MUC5B: variants seen among roughly 807,000 people sequenced by gnomAD.
The protein encoded by MUC5B is mucin 5B, oligomeric mucus/gel-forming.
A neutral mutation model predicts 376.9 loss-of-function variants in MUC5B; 116 were observed. The ratio of observed to expected loss-of-function variants is 0.31; its 90% confidence interval spans 0.26 to 0.36. The LOEUF (loss-of-function observed/expected upper bound fraction) is 0.36. Ranked by LOEUF, MUC5B falls within the 10% of genes least tolerant of loss-of-function variation. MUC5B has a pLI of 1.00. For missense variants in MUC5B, 7,165 were observed against 7,769.9 expected (o/e 0.92, Z 2.93); for synonymous variants, 3,517 against 3,390.9 (o/e 1.04, Z -1.29).
intron 46 of MUC5B, 53 bp from the exon 47 acceptor site, chr11:1,260,298 C>A: frequency 6.3e-7 from 1 of 1,581,430 alleles, no homozygotes; most frequent in East Asian, 2.2e-5. Flanking sequence ...GAGGCCGCAC[C>A]CACCAGGGAG....
rs1862831056 is a variant in MUC5B, at chr11:1,256,230, G to A, written c.16136+5G>A. On this transcript the variant is annotated splice_donor_5th_base_variant and intron_variant, in intron 38 of 48. Coordinates refer to ENST00000529681, the MANE Select transcript of MUC5B (RefSeq NM_002458.3). ...GCCTGCCACCTGCAACTCTAGGTAA[G>A]TACAGGGATGGCTGGTGCCTTCCCT... 5 of 724,092 alleles carry A rather than the reference G, an allele frequency of 6.9e-6. No homozygotes were observed. Among genetic ancestry groups the A allele is most frequent in the South Asian group, 1.5e-5 (1 of 67,954 alleles). The allele number at this position is 724,092 out of a possible 1,614,324, so 44.9% of individuals were successfully genotyped here.
chr11:1,252,074 G>A (rs2672791), intron 31 of MUC5B, among the ~76,000 whole-genome samples: 43 of 132,256 alleles, frequency 3.3e-4, no homozygotes, highest in South Asian at 4.9e-4. Context: ...CAATCCGTCC[G>A]CACTGGCCAC....
chr11:1,255,402 A>C lies in MUC5B; in HGVS notation c.15910A>C (p.Asn5304His), dbSNP rs1255039265. Reference sequence around the variant, plus strand: ...CCACAGGGTCTTTGCTGAGTGCCACAACCTTGTGCCCCCGGGCCCATTCTT... The same window carrying C: ...CCACAGGGTCTTTGCTGAGTGCCACCACCTTGTGCCCCCGGGCCCATTCTT... ...MLSQVFAECHNLVPPGPFFNA... is the reference protein window; with the variant it reads ...MLSQVFAECHHLVPPGPFFNA... The change falls in exon 37 of 49, where the codon AAC becomes CAC. Residue 5304 changes from asparagine (N) to histidine (H), a missense_variant. Physicochemically the swap from Asn to His is moderately conservative, Grantham distance 68. This residue lies in a region of MUC5B where 842 missense variants were observed against 1,016.9 expected (regional missense o/e 0.83). Coordinates refer to ENST00000529681, the MANE Select transcript of MUC5B (RefSeq NM_002458.3). 6.2e-7 allele frequency: 1 copy of C among 1,601,764 alleles called. No individual in the cohort carries two copies. Among genetic ancestry groups the C allele is most frequent in the African/African-American group, 1.3e-5 (1 of 74,682 alleles).
rs1294119937 is a variant in MUC5B, at chr11:1,243,932, T to C, written c.7052T>C (p.Val2351Ala). Residue 2351 changes from valine to alanine, a missense_variant, in exon 31 of 49, where the codon GTC becomes GCC. Transcript: ENST00000529681. ...YSNIRAAGGA[V>A]CEQPLGLECR... ...AACATCCGTGCGGCCGGAGGGGCCG[T>C]CTGTGAGCAGCCCCTGGGCCTCGAG... 2.5e-6 allele frequency: 4 copies of C among 1,606,270 alleles called. No individual in the cohort carries two copies. The South Asian group carries it at 3.3e-5, about 13-fold the overall frequency.
In MUC5B at chr11:1,250,226, T is replaced by A. The variant is rs1381516539; in HGVS notation, c.13346T>A (p.Ile4449Asn). The change falls in exon 31 of 49, where the codon ATC becomes AAC. Residue 4449 changes from isoleucine (I) to asparagine (N), a missense_variant. Transcript: ENST00000529681. ...TCCTCCACCCCAGGGACCACCTGGA[T>A]CCTCACAGAGCCGAGCACTACAGCC... ...TPSSTPGTTWILTEPSTTATV... is the reference protein window; with the variant it reads ...TPSSTPGTTWNLTEPSTTATV... 2 of 1,603,700 alleles carry A rather than the reference T, an allele frequency of 1.2e-6. No homozygotes were observed. The highest frequency in any genetic ancestry group is 2.2e-5 in the South Asian group (2 of 90,724).
intron 26 of MUC5B, 93 bp from the exon 27 acceptor site, chr11:1,239,345 A>G: frequency 6.8e-7 from 1 of 1,475,300 alleles, no homozygotes; most frequent in Non-Finnish European, 9.1e-7. Context: ...GGCTCTGGGG[A>G]CACCGGCCCC....
In MUC5B at chr11:1,257,601, GC is replaced by G; in HGVS notation, c.16345del (p.Leu5449CysfsTer18). 1 of 1,605,462 alleles carries G rather than the reference GC, an allele frequency of 6.2e-7. No homozygotes were observed. On this transcript the variant is annotated frameshift_variant, in exon 41 of 49. Coordinates refer to ENST00000529681, the MANE Select transcript of MUC5B (RefSeq NM_002458.3). LOFTEE classifies it high-confidence loss of function. The surrounding 1 kb of genome is among the most constrained non-coding windows in gnomAD (Gnocchi z 8.9). Reference protein sequence around the residue: ...DEGSVSVQCKPLPCDAQGQPP... With the variant: ...DEGSVSVQCKXLPCDAQGQPP... The stretch of plus-strand genomic sequence containing the variant: ...AGGGTTCAGTGTCGGTGCAGTGCAA[GC>G]CCCTGCCCTGTGACGCCCAGGGTCA...
At chr11:1,229,567 G>T in intron 9 of MUC5B, 123 bp from the exon 10 acceptor site, 1 of 904,256 alleles carries the variant, frequency 1.1e-6, no homozygotes, top group South Asian at 1.6e-5. Flanking sequence ...AGCTCAGGGC[G>T]GGGGCGGTGT....
chr11:1,228,909 A>G, intron 8 of MUC5B, 144 bp downstream of exon 8: 1 of 199,270 alleles, frequency 5.0e-6, no homozygotes, highest in South Asian at 5.0e-5. Flanking sequence ...GGCAGAGGCC[A>G]CCCCAGGACC....
Position 1,250,565 on chromosome 11 carries a change from C to T in MUC5B, c.13685C>T (p.Ser4562Phe), listed in dbSNP as rs757736244. Residue 4562 changes from serine (S) to phenylalanine (F), a missense_variant, in exon 31 of 49, where the codon TCC (serine) becomes TTC (phenylalanine). Ser to Phe is a radical substitution (Grantham distance 155). Transcript: ENST00000529681. ...TCCACTCCAGAGACTGTCCACACCT[C>T]CACAGTGCTTACCGCCACGGCCACC... is the stretch of plus-strand genomic sequence containing the variant. Reference protein sequence around the residue: ...PSSTPETVHTSTVLTATATTT... With the variant: ...PSSTPETVHTFTVLTATATTT... The T allele has an allele frequency of 1.9e-6, 3 of 1,613,676 alleles. No homozygotes were observed. The highest frequency in any genetic ancestry group is 2.2e-5 in the South Asian group (2 of 91,074).
rs201686842 is a variant in MUC5B, at chr11:1,247,293, G to C, written c.10413G>C (p.Trp3471Cys). ...GTCCCCACACGGTGCGCACAGCCTG[G>C]ACTTCGGCCACCTCGGGCATCTTGG... ...PSSPHTVRTA[W>C]TSATSGILGT... Residue 3471 changes from tryptophan to cysteine, a missense_variant, in exon 31 of 49, where the codon TGG becomes TGC. Trp to Cys is a radical substitution (Grantham distance 215, BLOSUM62 -2). This residue lies in a region of MUC5B where 939 missense variants were observed against 770.6 expected (regional missense o/e 1.22). Transcript: ENST00000529681. 5 of 1,611,606 alleles carry C rather than the reference G, an allele frequency of 3.1e-6. No homozygotes were observed. The South Asian group carries it at 5.5e-5, about 18-fold the overall frequency.
Position 1,244,697 on chromosome 11 carries a change from C to G in MUC5B, c.7817C>G (p.Thr2606Ser). 6.2e-7 allele frequency: 1 copy of G among 1,612,926 alleles called. No homozygotes were observed. The highest frequency in any genetic ancestry group is 8.5e-7 in the Non-Finnish European group (1 of 1,179,158). The change falls in exon 31 of 49, where the codon ACC becomes AGC. Residue 2606 changes from threonine to serine, a missense_variant. By Grantham distance (58) the Thr-to-Ser change is moderately conservative. Around this residue, in one of 31 missense-constraint regions of MUC5B, gnomAD observed 141 missense variants for 111.2 expected, o/e 1.27. Coordinates refer to ENST00000529681, the MANE Select transcript of MUC5B (RefSeq NM_002458.3). ...PSSTPGTAHT[T>S]KVLTTTTTGF... ...TCCACCCCAGGAACAGCTCACACTACCAAAGTGCTGACTACCACAACCACG... is the reference window on the plus strand; with the variant it reads ...TCCACCCCAGGAACAGCTCACACTAGCAAAGTGCTGACTACCACAACCACG...
Position 1,249,831 on chromosome 11 carries a change from A to G in MUC5B, c.12951A>G (p.Lys4317=). The part of the protein sequence containing the change: ...TLPVLTSTAT[K]STATSVTPIP... ...CAGTGCTGACAAGCACAGCCACCAA[A>G]TCCACAGCTACCAGCGTTACACCCA... is the stretch of plus-strand genomic sequence containing the variant. The change falls in exon 31 of 49, where the codon AAA becomes AAG. Residue 4317 remains lysine, a synonymous_variant. Transcript: ENST00000529681. 1.9e-6 allele frequency: 3 copies of G among 1,612,422 alleles called. No homozygotes were observed. Among genetic ancestry groups the G allele is most frequent in the Non-Finnish European group, 2.5e-6 (3 of 1,179,472 alleles).
chr11:1,252,506 T>C lies in MUC5B; in HGVS notation c.15027T>C (p.Asn5009=). Residue 5009 remains asparagine, a synonymous_variant, in exon 32 of 49, where the codon AAT becomes AAC. Transcript: ENST00000529681. ...SSPSPAPGCD[N]AIPLRQVNET... ...CCTCCCCTGCCCCTGGCTGTGACAA[T>C]GCCATCCCTCTCCGGCAGGTGGGCC... 1 of 1,561,212 alleles carries C rather than the reference T, an allele frequency of 6.4e-7. No homozygotes were observed. The highest frequency in any genetic ancestry group is 1.2e-5 in the South Asian group (1 of 83,154).
intron 32 of MUC5B, 106 bp from the exon 33 acceptor site, chr11:1,252,703 C>G (rs576684733): frequency 6.9e-7 from 1 of 1,448,628 alleles, no homozygotes; most frequent in African/African-American, 1.4e-5. Flanking sequence ...CCTCCTCAGG[C>G]AGGCTCTTGT....
intron 1 of MUC5B, among the ~76,000 whole-genome samples, chr11:1,224,856 G>T (rs1412091150): frequency 1.3e-5 from 2 of 152,120 alleles, no homozygotes; most frequent in Non-Finnish European, 2.9e-5. Flanking sequence ...ACCATGCTGT[G>T]GGGGCTGGGG....
Position 1,230,015 on chromosome 11 carries a change from G to T in MUC5B, c.1231G>T (p.Gly411Trp). 1 of 1,597,866 alleles carries T rather than the reference G, an allele frequency of 6.3e-7. No individual in the cohort carries two copies. The change falls in exon 11 of 49, where the codon GGG becomes TGG. Residue 411 changes from glycine to tryptophan, a missense_variant. By Grantham distance (184) the Gly-to-Trp change is radical. This residue lies in a region of MUC5B where 640 missense variants were observed against 733.0 expected (regional missense o/e 0.87). Transcript: ENST00000529681. Reference protein sequence around the residue: ...NTTCSSCTCSGGLWQCQDLPC... With the variant: ...NTTCSSCTCSWGLWQCQDLPC... ...GGCCTCCCTCCCCAGCACCTGCTCC[G>T]GGGGGCTATGGCAGTGCCAGGACCT...
In MUC5B at chr11:1,259,688, G is replaced by C. The variant is rs561882583; in HGVS notation, c.16714-68G>C. ...CTGGACCACTGGGGTGTAGACAGGA[G>C]GGCAGGCTGGGCCGGGGCATGTGCT... On this transcript the variant is annotated intron_variant, in intron 44 of 48. Transcript: ENST00000529681. 10 of 1,537,784 alleles carry C rather than the reference G, an allele frequency of 6.5e-6. No homozygotes were observed. The South Asian group carries it at 9.0e-5, about 14-fold the overall frequency.
At position 1,229,222 on chromosome 11, in the gene MUC5B, G is replaced by C; in HGVS notation, c.1029G>C (p.Thr343=). ...ACCAGGAGTGTGGCTCACCCTGCAC[G>C]GACACCTGCTCCAACCCCCAGCGCG... ...MQHQECGSPC[T]DTCSNPQRAQ... Residue 343 remains threonine (T), a synonymous_variant, in exon 9 of 49, where the codon ACG becomes ACC. Coordinates refer to ENST00000529681, the MANE Select transcript of MUC5B (RefSeq NM_002458.3). 1 of 1,599,912 alleles carries C rather than the reference G, an allele frequency of 6.3e-7. No individual in the cohort carries two copies. The highest frequency in any genetic ancestry group is 8.5e-7 in the Non-Finnish European group (1 of 1,176,350).
Sources: gnomAD v4.1 joint callset for allele counts (sites outside exome capture counted in the v4.1 genomes callset) on GRCh38, gnomAD v4.1.1 for gene constraint, gnomAD v4.1.1 regional missense constraint, Gnocchi (gnomAD v3.1) non-coding constraint, MANE v1.5 for transcripts, NCBI Gene and HGNC (gene_info 2026-07-23, HGNC 2026-07-21) for gene names.